The following KCNG3 variants were observed in gnomAD, a reference collection of about 807,000 sequenced individuals.
KCNG3 encodes the protein voltage-gated potassium channel regulatory subunit KCNG3.
KCNG3 carries 15 observed loss-of-function variants against 29.0 expected under a neutral mutation model. The observed-to-expected ratio is 0.52, with a 90% CI of 0.35 to 0.80. The LOEUF is 0.80. Ranked by LOEUF, KCNG3 falls within the 30% of genes least tolerant of loss-of-function variation. KCNG3 has a pLI of 0.01. For synonymous variants in KCNG3, 322 were observed against 248.9 expected (o/e 1.29, Z -2.76); for missense variants, 512 against 605.7 (o/e 0.85, Z 1.62).
chr2:42,412,061 T>C, the KCNG3 span, among the ~76,000 whole-genome samples: 1 of 152,230 alleles, frequency 6.6e-6, no homozygotes, highest in East Asian at 1.9e-4. Flanking sequence ...CAAGCCAGGT[T>C]GAACTGACTA....
the KCNG3 span, among the ~76,000 whole-genome samples, chr2:42,394,844 A>T: frequency 2.1e-4 from 32 of 152,360 alleles, no homozygotes; most frequent in East Asian, 5.0e-3. Context: ...CCTTGGCAAC[A>T]TAAACTTTCT....
chr2:42,397,611 G>T, the KCNG3 span, among the ~76,000 whole-genome samples: 2 of 152,174 alleles, frequency 1.3e-5, no homozygotes, highest in Non-Finnish European at 2.9e-5. Context: ...AGGTATAAAG[G>T]TGACACACAT....
chr2:42,453,343 C>T (rs1426365044), intron 1 of KCNG3, among the ~76,000 whole-genome samples: 1 of 152,178 alleles, frequency 6.6e-6, no homozygotes, highest in African/African-American at 2.4e-5. Context: ...CCCTTTTCTC[C>T]ACATCCTCGC....
chr2:42,490,464 T>C (rs1230965986), intron 1 of KCNG3, among the ~76,000 whole-genome samples: 2 of 152,168 alleles, frequency 1.3e-5, no homozygotes, highest in Non-Finnish European at 2.9e-5. Flanking sequence ...CCCTGCTAGT[T>C]TGGGCAGTGC....
chr2:42,399,098 C>T, the KCNG3 span, among the ~76,000 whole-genome samples: 1 of 145,150 alleles, frequency 6.9e-6, no homozygotes, highest in African/African-American at 2.6e-5. Flanking sequence ...ACTCTGTCAC[C>T]CAGGCTGGAG....
chr2:42,458,286 A>C (rs564657858), intron 1 of KCNG3, among the ~76,000 whole-genome samples: 1 of 152,028 alleles, frequency 6.6e-6, no homozygotes, highest in African/African-American at 2.4e-5. Flanking sequence ...TCCTGCAATC[A>C]CCTCCACCTT....
intron 1 of KCNG3, among the ~76,000 whole-genome samples, chr2:42,482,090 C>T (rs1192676494): frequency 5.3e-5 from 8 of 152,306 alleles, no homozygotes; most frequent in Admixed American, 5.2e-4. Context: ...TCCCAAACAG[C>T]TGGGACTACA....
At chr2:42,483,441 C>T (rs1407328220) in intron 1 of KCNG3, among the ~76,000 whole-genome samples, 1 of 152,176 alleles carries the variant, frequency 6.6e-6, no homozygotes, top group Admixed American at 6.5e-5. Flanking sequence ...CCACTGTTTG[C>T]ACTTTTGAAA....
the KCNG3 span, among the ~76,000 whole-genome samples, chr2:42,399,023 T>C: frequency 6.6e-6 from 1 of 151,572 alleles, no homozygotes; most frequent in Non-Finnish European, 1.5e-5. Context: ...TAATATTGGG[T>C]TGTTCTTTTT....
the KCNG3 span, among the ~76,000 whole-genome samples, chr2:42,424,436 T>TAA: frequency 1.0e-3 from 145 of 138,414 alleles, no homozygotes; most frequent in African/African-American, 2.2e-3. Context: ...TCCGTCCCTT[T>TAA]AAAAAAAAAA....
intron 1 of KCNG3, among the ~76,000 whole-genome samples, chr2:42,474,711 C>A (rs1673379805): frequency 1.3e-5 from 2 of 152,068 alleles, no homozygotes; most frequent in African/African-American, 4.8e-5. Context: ...ATTTTTTAAA[C>A]ATTTGTCAAA....
Position 42,444,488 on chromosome 2 carries a change from G to C in KCNG3, c.757C>G (p.Pro253Ala). 6.2e-7 allele frequency: 1 copy of C among 1,614,140 alleles called. No individual in the cohort carries two copies. The highest frequency in any genetic ancestry group is 8.5e-7 in the Non-Finnish European group (1 of 1,180,020). The part of the protein sequence containing the change: ...SKNKCEFVKR[P>A]LNIIDLLAIT... ...GCCAGTAAATCAATGATGTTCAGGG[G>C]TCTCTTGACAAACTCACACTTGTTT... The change falls in exon 2 of 2, where the codon CCC becomes GCC. Residue 253 changes from proline to alanine, a missense_variant. Physicochemically the swap from Pro to Ala is conservative, Grantham distance 27 (BLOSUM62 -1). This residue lies in a region of KCNG3 where 173 missense variants were observed against 262.4 expected (regional missense o/e 0.66). Transcript: ENST00000306078. The surrounding 1 kb of genome is among the most constrained non-coding windows in gnomAD (Gnocchi z 5.8).
At chr2:42,485,803 C>T (rs1432347517) in intron 1 of KCNG3, among the ~76,000 whole-genome samples, 1 of 152,154 alleles carries the variant, frequency 6.6e-6, no homozygotes, top group Non-Finnish European at 1.5e-5. Flanking sequence ...AGAAACAGAA[C>T]ATTAATCTCC....
downstream of KCNG3, among the ~76,000 whole-genome samples, chr2:42,441,016 G>T (rs1292260418): frequency 2.0e-5 from 3 of 152,136 alleles, no homozygotes; most frequent in African/African-American, 7.2e-5. Context: ...TTTCTGCCAT[G>T]AAAAGACTGA....
intron 1 of KCNG3, among the ~76,000 whole-genome samples, chr2:42,453,336 T>C (rs913841038): frequency 3.9e-5 from 6 of 152,208 alleles, no homozygotes; most frequent in African/African-American, 1.4e-4. Flanking sequence ...GAGGGATCCC[T>C]TTTCTCCACA....
chr2:42,394,013 T>G, the KCNG3 span, among the ~76,000 whole-genome samples: 1 of 152,156 alleles, frequency 6.6e-6, no homozygotes, highest in African/African-American at 2.4e-5. Flanking sequence ...ACTCCTGACC[T>G]CAGGTGATCC....
chr2:42,407,530 C>A, the KCNG3 span, among the ~76,000 whole-genome samples: 2 of 152,160 alleles, frequency 1.3e-5, no homozygotes, highest in Non-Finnish European at 2.9e-5. Context: ...AGTGGGAGCC[C>A]CACCTCTTCT....
At chr2:42,398,372 C>T in the KCNG3 span, among the ~76,000 whole-genome samples, 2 of 152,046 alleles carry the variant, frequency 1.3e-5, no homozygotes, top group Non-Finnish European at 2.9e-5. Flanking sequence ...TTGTTTTGCT[C>T]AACTTCTGAG....
the KCNG3 span, among the ~76,000 whole-genome samples, chr2:42,427,942 GC>G: frequency 6.6e-6 from 1 of 152,000 alleles, no homozygotes; most frequent in Non-Finnish European, 1.5e-5. Flanking sequence ...TCAGTTTGGG[GC>G]CCTAAAAGCA....
Sources: allele counts gnomAD v4.1 joint callset (sites outside exome capture counted in the v4.1 genomes callset), GRCh38; gene constraint gnomAD v4.1.1; regional missense constraint gnomAD v4.1.1; non-coding constraint Gnocchi (gnomAD v3.1); transcripts MANE v1.5; gene names NCBI Gene and HGNC (gene_info 2026-07-23, HGNC 2026-07-21).